Variants in HEXIM1 observed in about 807,000 individuals in gnomAD.
HEXIM1 encodes the protein protein HEXIM1.
Under a neutral mutation model 30.3 loss-of-function variants are expected in HEXIM1, and 1 was observed. The observed-to-expected ratio is 0.03, with a 90% confidence interval of 0.01 to 0.16. The LOEUF (loss-of-function observed/expected upper bound fraction) is 0.16. Among genes scored for constraint, HEXIM1 ranks in the 10% least tolerant of loss-of-function variants. The probability of loss-of-function intolerance (pLI) is 1.00; values close to 1 mark genes in which losing one functional copy is unlikely to be tolerated. For missense variants in HEXIM1, 391 were observed against 476.4 expected, an observed-to-expected ratio of 0.82 and a Z score of 1.67; for synonymous variants, 245 against 208.3, an observed-to-expected ratio of 1.18 and a Z score of -1.52.
At position 45,150,445 on chromosome 17, in the gene HEXIM1, G is replaced by T; in HGVS notation, c.*175G>T. Reference sequence around the variant, plus strand: ...ATATGTAGCTTGCGTGCTTTCTCCTGTTCTTTTAATTATGTGAAACTGAAG... The same window carrying T: ...ATATGTAGCTTGCGTGCTTTCTCCTTTTCTTTTAATTATGTGAAACTGAAG... On this transcript the variant is annotated 3_prime_UTR_variant, in exon 1 of 1. Coordinates refer to ENST00000332499, the MANE Select transcript of HEXIM1 (RefSeq NM_006460.3). 1.5e-6 allele frequency: 1 copy of T among 653,858 alleles called. No individual in the cohort carries two copies. The highest frequency in any genetic ancestry group is 2.5e-6 in the Non-Finnish European group (1 of 392,568). 40.5% of individuals were successfully genotyped at this position (653,858 alleles called of 1,614,324 possible).
Position 45,148,533 on chromosome 17 carries a change from C to T in HEXIM1, c.-658C>T. ...TGGGAGGGAAAGTCGGGGGAGGACG[C>T]GGAAGAGGAGCTGTGGGAAGGGGGA... On this transcript the variant is annotated 5_prime_UTR_variant, in exon 1 of 1. Coordinates refer to ENST00000332499, the MANE Select transcript of HEXIM1 (RefSeq NM_006460.3). The T allele has an allele frequency of 2.8e-6, 1 of 355,956 alleles. No individual in the cohort carries two copies. Among genetic ancestry groups the T allele is most frequent in the East Asian group, 3.8e-5 (1 of 26,476 alleles). The allele number at this position is 355,956 out of a possible 1,614,324, so 22.0% of individuals were successfully genotyped here. A position where few individuals can be genotyped will look rare whatever the true frequency, so the allele number is the denominator to read the frequency against.
Position 45,149,675 on chromosome 17 carries a change from G to C in HEXIM1, c.485G>C (p.Arg162Pro). Reference protein sequence around the residue: ...KHRRRPSKKKRHWKPYYKLTW... With the variant: ...KHRRRPSKKKPHWKPYYKLTW... ...AGGAGACGCCCGTCCAAGAAGAAGC[G>C]GCATTGGAAACCGTACTACAAGCTG... The change falls in exon 1 of 1, where the codon CGG becomes CCG. Residue 162 changes from arginine (R) to proline (P), a missense_variant. Physicochemically the swap from Arg to Pro is moderately radical, Grantham distance 103. Coordinates refer to ENST00000332499, the MANE Select transcript of HEXIM1 (RefSeq NM_006460.3). This position sits in a 1 kb window ranked among gnomAD's most constrained non-coding sequence, Gnocchi z 5.3. The C allele has an allele frequency of 6.2e-7, 1 of 1,612,286 alleles. No homozygotes were observed. The highest frequency in any genetic ancestry group is 8.5e-7 in the Non-Finnish European group (1 of 1,179,986).
In HEXIM1 at chr17:45,151,389, T is replaced by C. The variant is rs2055546902; in HGVS notation, c.*1119T>C. On this transcript the variant is annotated 3_prime_UTR_variant, in exon 1 of 1. Transcript: ENST00000332499. ...CTCACTGCAGATCAAATGTAAAGCT[T>C]CCAGTTAAGGAGCTAAATGAGGTCC... The C allele has an allele frequency of 6.0e-6, 1 of 166,958 alleles. No homozygotes were observed. Among genetic ancestry groups the C allele is most frequent in the Non-Finnish European group, 1.5e-5 (1 of 68,104 alleles). 10.3% of individuals were successfully genotyped at this position (166,958 alleles called of 1,614,324 possible).
In HEXIM1 at chr17:45,149,201, C is replaced by T; in HGVS notation, c.11C>T (p.Pro4Leu). 1 of 1,610,642 alleles carries T rather than the reference C, an allele frequency of 6.2e-7. No individual in the cohort carries two copies. Among genetic ancestry groups the T allele is most frequent in the Non-Finnish European group, 8.5e-7 (1 of 1,178,080 alleles). Residue 4 changes from proline to leucine, a missense_variant, in exon 1 of 1, where the codon CCA becomes CTA. Physicochemically the swap from Pro to Leu is moderately conservative, Grantham distance 98. Coordinates refer to ENST00000332499, the MANE Select transcript of HEXIM1 (RefSeq NM_006460.3). The surrounding 1 kb of genome is among the most constrained non-coding windows in gnomAD (Gnocchi z 5.3). Reference protein sequence around the residue: MAEPFLSEYQHQPQ... With the variant: MAELFLSEYQHQPQ... ...AGGACTCTACTAGCCATGGCCGAGC[C>T]ATTCTTGTCAGAATATCAACACCAG...
Position 45,148,476 on chromosome 17 carries a change from G to A in HEXIM1, c.-715G>A, listed in dbSNP as rs1354722154. 2 of 398,554 alleles carry A rather than the reference G, an allele frequency of 5.0e-6. No individual in the cohort carries two copies. The highest frequency in any genetic ancestry group is 8.8e-6 in the Non-Finnish European group (2 of 226,112). 24.7% of individuals were successfully genotyped at this position (398,554 alleles called of 1,614,324 possible). The stretch of plus-strand genomic sequence containing the variant: ...AAGGGGCGCAGAGGACTGGGAGACA[G>A]CAGTTGGAAGTTGGCAGGTGGAGAG... On this transcript the variant is annotated 5_prime_UTR_variant, in exon 1 of 1. Coordinates refer to ENST00000332499, the MANE Select transcript of HEXIM1 (RefSeq NM_006460.3).
Position 45,149,889 on chromosome 17 carries a change from C to T in HEXIM1, c.699C>T (p.Ser233=). Residue 233 remains serine (S), a synonymous_variant, in exon 1 of 1, where the codon TCC becomes TCT. Transcript: ENST00000332499. This position sits in a 1 kb window ranked among gnomAD's most constrained non-coding sequence, Gnocchi z 5.3. Reference sequence around the variant, plus strand: ...ACTCCAAGCGGGCCGCCGCCAAATCCGACGACACCAGCGATGACGACTTCA... The same window carrying T: ...ACTCCAAGCGGGCCGCCGCCAAATCTGACGACACCAGCGATGACGACTTCA... ...GLYSKRAAAK[S]DDTSDDDFME... is the part of the protein sequence containing the mutation. The T allele has an allele frequency of 6.2e-7, 1 of 1,613,656 alleles. No homozygotes were observed. The highest frequency in any genetic ancestry group is 8.5e-7 in the Non-Finnish European group (1 of 1,179,934).
chr17:45,150,642 G>A lies in HEXIM1; in HGVS notation c.*372G>A, dbSNP rs545300118. The A allele has an allele frequency of 4.0e-4, 75 of 186,684 alleles. No homozygotes were observed. Among genetic ancestry groups the A allele is most frequent in the Non-Finnish European group, 7.7e-4 (62 of 80,590 alleles). 11.6% of individuals were successfully genotyped at this position (186,684 alleles called of 1,614,324 possible). A position where few individuals can be genotyped will look rare whatever the true frequency, so the allele number is the denominator to read the frequency against. ...TTTAGTTATAATAAATTTAATATTT[G>A]TAAATGTAACATAGTTTCAGTGTGA... is the stretch of plus-strand genomic sequence containing the variant. On this transcript the variant is annotated 3_prime_UTR_variant, in exon 1 of 1. Coordinates refer to ENST00000332499, the MANE Select transcript of HEXIM1 (RefSeq NM_006460.3).
chr17:45,149,104 T>TC lies in HEXIM1; in HGVS notation c.-86dup, dbSNP rs1017604362. ...GGACTCTGTTGGACTGTTTTTTTTTTCTTTTTCTTTTTTTTAAGAAAAACC... is the reference window on the plus strand; with the variant it reads ...GGACTCTGTTGGACTGTTTTTTTTTTCCTTTTTCTTTTTTTTAAGAAAAACC... On this transcript the variant is annotated 5_prime_UTR_variant, in exon 1 of 1. Transcript: ENST00000332499. This position sits in a 1 kb window ranked among gnomAD's most constrained non-coding sequence, Gnocchi z 5.3. 7.3e-5 allele frequency: 92 copies of TC among 1,258,750 alleles called. No homozygotes were observed. The highest frequency in any genetic ancestry group is 9.9e-5 in the Admixed American group (4 of 40,460). 78.0% of individuals were successfully genotyped at this position (1,258,750 alleles called of 1,614,324 possible).
Position 45,149,339 on chromosome 17 carries a change from G to A in HEXIM1, c.149G>A (p.Arg50Lys), listed in dbSNP as rs1436544175. Residue 50 changes from arginine (R) to lysine (K), a missense_variant, in exon 1 of 1, where the codon AGA (arginine) becomes AAA (lysine). Transcript: ENST00000332499. The surrounding 1 kb of genome is among the most constrained non-coding windows in gnomAD (Gnocchi z 5.3). ...GAGGAGGACAGTAGGTGGCAATCGA[G>A]AGCGTTCCCCCAGTTGGGTGGCCGT... The part of the protein sequence containing the change: ...VPEEDSRWQS[R>K]AFPQLGGRPG... 2 of 1,613,440 alleles carry A rather than the reference G, an allele frequency of 1.2e-6. No homozygotes were observed. Among genetic ancestry groups the A allele is most frequent in the Admixed American group, 3.3e-5 (2 of 60,010 alleles).
chr17:45,149,600 G>A lies in HEXIM1; in HGVS notation c.410G>A (p.Gly137Asp). The change falls in exon 1 of 1, where the codon GGC becomes GAC. Residue 137 changes from glycine to aspartate, a missense_variant. Physicochemically the swap from Gly to Asp is moderately conservative, Grantham distance 94. Around this residue, in one of 5 missense-constraint regions of HEXIM1, gnomAD observed 230 missense variants for 199.4 expected, o/e 1.15. Transcript: ENST00000332499. The surrounding 1 kb of genome is among the most constrained non-coding windows in gnomAD (Gnocchi z 5.3). The part of the protein sequence containing the change: ...ASKLGAPAAG[G>D]EEEWGQQQRQ... ...AAGTTGGGGGCTCCTGCCGCAGGGG[G>A]CGAAGAGGAGTGGGGACAGCAGCAG... 6.2e-6 allele frequency: 10 copies of A among 1,612,180 alleles called. No individual in the cohort carries two copies. The highest frequency in any genetic ancestry group is 1.3e-5 in the African/African-American group (1 of 74,980).
rs2055523234 is a variant in HEXIM1 at position 45,148,792 on chromosome 17, G to A, written c.-399G>A. On this transcript the variant is annotated 5_prime_UTR_variant, in exon 1 of 1. Coordinates refer to ENST00000332499, the MANE Select transcript of HEXIM1 (RefSeq NM_006460.3). ...CCCTTTGTGGATCTGGCCCCTCGGAGGCAGCGTCATCGGTAGTTTTAACCC... is the reference window on the plus strand; with the variant it reads ...CCCTTTGTGGATCTGGCCCCTCGGAAGCAGCGTCATCGGTAGTTTTAACCC... 2.5e-6 allele frequency: 1 copy of A among 402,986 alleles called. No homozygotes were observed. Among genetic ancestry groups the A allele is most frequent in the Non-Finnish European group, 4.4e-6 (1 of 228,382 alleles). 25.0% of individuals were successfully genotyped at this position (402,986 alleles called of 1,614,324 possible). A position where few individuals can be genotyped will look rare whatever the true frequency, so the allele number is the denominator to read the frequency against.
At position 45,149,150 on chromosome 17, in the gene HEXIM1, T is replaced by TA; in HGVS notation, c.-40dup. 6.5e-7 allele frequency: 1 copy of TA among 1,538,162 alleles called. No individual in the cohort carries two copies. Among genetic ancestry groups the TA allele is most frequent in the Non-Finnish European group, 8.7e-7 (1 of 1,146,720 alleles). ...AAACCCATTTTTTTCCTTAAGGACTTACTAGCCAAAATTTCTTAAACTTCG... is the reference window on the plus strand; with the variant it reads ...AAACCCATTTTTTTCCTTAAGGACTTAACTAGCCAAAATTTCTTAAACTTCG... On this transcript the variant is annotated 5_prime_UTR_variant, in exon 1 of 1. Transcript: ENST00000332499. The surrounding 1 kb of genome is among the most constrained non-coding windows in gnomAD (Gnocchi z 5.3).
In HEXIM1 at chr17:45,148,786, C is replaced by T. The variant is rs1598115080; in HGVS notation, c.-405C>T. On this transcript the variant is annotated 5_prime_UTR_variant, in exon 1 of 1. Transcript: ENST00000332499. ...ATTTAACCCTTTGTGGATCTGGCCC[C>T]TCGGAGGCAGCGTCATCGGTAGTTT... The T allele has an allele frequency of 2.5e-6, 1 of 403,190 alleles. No individual in the cohort carries two copies. The highest frequency in any genetic ancestry group is 4.4e-6 in the Non-Finnish European group (1 of 228,446). 25.0% of individuals were successfully genotyped at this position (403,190 alleles called of 1,614,324 possible).
rs1039487768 is a variant in HEXIM1 at position 45,149,346 on chromosome 17, C to T, written c.156C>T (p.Phe52=). The T allele has an allele frequency of 2.0e-5, 32 of 1,613,370 alleles. No individual in the cohort carries two copies. Among genetic ancestry groups the T allele is most frequent in the Non-Finnish European group, 2.6e-5 (31 of 1,179,950 alleles). The part of the protein sequence containing the change: ...EEDSRWQSRA[F]PQLGGRPGPE... Reference sequence around the variant, plus strand: ...ACAGTAGGTGGCAATCGAGAGCGTTCCCCCAGTTGGGTGGCCGTCCGGGGC... The same window carrying T: ...ACAGTAGGTGGCAATCGAGAGCGTTTCCCCAGTTGGGTGGCCGTCCGGGGC... The change falls in exon 1 of 1, where the codon TTC becomes TTT. Residue 52 remains phenylalanine, a synonymous_variant. Transcript: ENST00000332499. This position sits in a 1 kb window ranked among gnomAD's most constrained non-coding sequence, Gnocchi z 5.3.
rs1034266815 is a variant in HEXIM1, at chr17:45,149,060, A to C, written c.-131A>C. On this transcript the variant is annotated 5_prime_UTR_variant, in exon 1 of 1. Coordinates refer to ENST00000332499, the MANE Select transcript of HEXIM1 (RefSeq NM_006460.3). The surrounding 1 kb of genome is among the most constrained non-coding windows in gnomAD (Gnocchi z 5.3). ...AAGGACTAGCTAAAGGCGTCACTGC[A>C]GGAATTACAAACTGAAGAGGACTCT... 3.2e-6 allele frequency: 3 copies of C among 931,736 alleles called. No homozygotes were observed. The highest frequency in any genetic ancestry group is 5.0e-5 in the Admixed American group (2 of 39,668). 57.7% of individuals were successfully genotyped at this position (931,736 alleles called of 1,614,324 possible).
rs753806975 is a variant in HEXIM1 at position 45,149,419 on chromosome 17, C to G, written c.229C>G (p.Gln77Glu). 1.9e-6 allele frequency: 3 copies of G among 1,613,114 alleles called. No individual in the cohort carries two copies. Among genetic ancestry groups the G allele is most frequent in the Non-Finnish European group, 2.5e-6 (3 of 1,179,934 alleles). The change falls in exon 1 of 1, where the codon CAG (glutamine) becomes GAG (glutamate). Residue 77 changes from glutamine to glutamate, a missense_variant. By Grantham distance (29) the Gln-to-Glu change is conservative. Transcript: ENST00000332499. The surrounding 1 kb of genome is among the most constrained non-coding windows in gnomAD (Gnocchi z 5.3). Reference sequence around the variant, plus strand: ...ATCCCAACCACCTCCCTTGCAGACCCAGGCCTGTCCAGAATCTAGCTGCCT... The same window carrying G: ...ATCCCAACCACCTCCCTTGCAGACCGAGGCCTGTCCAGAATCTAGCTGCCT... ...LESQPPPLQTQACPESSCLRE... is the reference protein window; with the variant it reads ...LESQPPPLQTEACPESSCLRE...
Position 45,150,342 on chromosome 17 carries a change from G to T in HEXIM1, c.*72G>T. The T allele has an allele frequency of 6.6e-7, 1 of 1,525,284 alleles. No individual in the cohort carries two copies. The highest frequency in any genetic ancestry group is 8.9e-7 in the Non-Finnish European group (1 of 1,128,024). 94.5% of individuals were successfully genotyped at this position (1,525,284 alleles called of 1,614,324 possible). A position where few individuals can be genotyped will look rare whatever the true frequency, so the allele number is the denominator to read the frequency against. ...ATGGAATGTAACATTATATACATGT[G>T]TATATAAGACAGTGGACCTTTTTAT... On this transcript the variant is annotated 3_prime_UTR_variant, in exon 1 of 1. Coordinates refer to ENST00000332499, the MANE Select transcript of HEXIM1 (RefSeq NM_006460.3).
At position 45,149,733 on chromosome 17, in the gene HEXIM1, A is replaced by G. The variant is rs1318021793; in HGVS notation, c.543A>G (p.Lys181=). The change falls in exon 1 of 1, where the codon AAA becomes AAG. Residue 181 remains lysine (K), a synonymous_variant. Coordinates refer to ENST00000332499, the MANE Select transcript of HEXIM1 (RefSeq NM_006460.3). The surrounding 1 kb of genome is among the most constrained non-coding windows in gnomAD (Gnocchi z 5.3). ...AAGAGAAGAAAAAGTTCGACGAGAA[A>G]CAGAGCCTTCGAGCTTCAAGGATCC... ...TWEEKKKFDE[K]QSLRASRIRA... The G allele has an allele frequency of 6.2e-7, 1 of 1,613,498 alleles. No individual in the cohort carries two copies. The highest frequency in any genetic ancestry group is 8.5e-7 in the Non-Finnish European group (1 of 1,179,994).
At position 45,150,726 on chromosome 17, in the gene HEXIM1, G is replaced by C. The variant is rs1479564773; in HGVS notation, c.*456G>C. The C allele has an allele frequency of 1.2e-5, 2 of 169,188 alleles. No individual in the cohort carries two copies. Among genetic ancestry groups the C allele is most frequent in the African/African-American group, 4.8e-5 (2 of 41,446 alleles). 10.5% of individuals were successfully genotyped at this position (169,188 alleles called of 1,614,324 possible). ...TTTTATGTGACTGCATTTTTGGGGA[G>C]GGGTACCGAAATCGTTAAATTTGTC... On this transcript the variant is annotated 3_prime_UTR_variant, in exon 1 of 1. Coordinates refer to ENST00000332499, the MANE Select transcript of HEXIM1 (RefSeq NM_006460.3).
Sources: gnomAD v4.1 joint callset for allele counts on GRCh38, gnomAD v4.1.1 for gene constraint, gnomAD v4.1.1 regional missense constraint, Gnocchi (gnomAD v3.1) non-coding constraint, MANE v1.5 for transcripts, NCBI Gene and HGNC (gene_info 2026-07-23, HGNC 2026-07-21) for gene names.